Variants in RAB5A observed in about 807,000 individuals in gnomAD.
RAB5A encodes RAB5A, member RAS oncogene family, also known as ras-related protein Rab-5A.
Under a neutral mutation model 25.7 loss-of-function variants are expected in RAB5A, and 8 were observed. That is an observed-to-expected ratio of 0.31 (90% confidence interval 0.18 to 0.56). The LOEUF is 0.56. Among genes scored for constraint, RAB5A ranks in the 20% least tolerant of loss-of-function variants. The pLI is 0.91. For synonymous variants in RAB5A, 98 were observed against 89.8 expected (o/e 1.09, Z -0.52); for missense variants, 192 against 259.7 (o/e 0.74, Z 1.79).
At chr3:19,963,877 A>G (rs1432617383) in intron 2 of RAB5A, among the ~76,000 whole-genome samples, 1 of 152,144 alleles carries the variant, frequency 6.6e-6, no homozygotes, top group African/African-American at 2.4e-5. Context: ...GGCCTCAAGC[A>G]ATCTTCCTGA....
At chr3:19,959,006 A>G (rs1475681334) in intron 2 of RAB5A, among the ~76,000 whole-genome samples, 3 of 152,200 alleles carry the variant, frequency 2.0e-5, no homozygotes, top group African/African-American at 4.8e-5. Context: ...TCATTAAACA[A>G]TACAGTCAAT....
At chr3:19,977,132 C>G (rs576013048) in intron 4 of RAB5A, among the ~76,000 whole-genome samples, 1 of 149,216 alleles carries the variant, frequency 6.7e-6, no homozygotes, top group Non-Finnish European at 1.5e-5. Context: ...AGTGCAGTGG[C>G]GCAATCTCAA....
intron 1 of RAB5A, among the ~76,000 whole-genome samples, chr3:19,949,112 G>A (rs1696382846): frequency 6.6e-6 from 1 of 152,136 alleles, no homozygotes; most frequent in African/African-American, 2.4e-5. Flanking sequence ...AATTGGTATA[G>A]CCAGGATTAC....
rs1696416925 is a variant in RAB5A, at chr3:19,951,136, T to G, written c.163+75T>G. ...AGAAAATATTTTGATGTTCCAATTG[T>G]GTGATTATGAATAGCTAAATAAGTC... is the stretch of plus-strand genomic sequence containing the variant. On this transcript the variant is annotated intron_variant, in intron 2 of 5. Coordinates refer to ENST00000273047, the MANE Select transcript of RAB5A (RefSeq NM_004162.5). The G allele has an allele frequency of 2.6e-6, 4 of 1,524,814 alleles. No individual in the cohort carries two copies. The East Asian group carries it at 9.0e-5, about 34-fold the overall frequency. The allele number at this position is 1,524,814 out of a possible 1,614,324, so 94.5% of individuals were successfully genotyped here.
intron 2 of RAB5A, among the ~76,000 whole-genome samples, chr3:19,972,021 T>C (rs1696759588): frequency 1.3e-5 from 2 of 152,228 alleles, no homozygotes; most frequent in South Asian, 4.1e-4. Context: ...AGAGAGGAGC[T>C]ACTACAAGTT....
chr3:19,983,933 A>G lies in RAB5A; in HGVS notation c.*110A>G. On this transcript the variant is annotated 3_prime_UTR_variant, in exon 6 of 6. Coordinates refer to ENST00000273047, the MANE Select transcript of RAB5A (RefSeq NM_004162.5). ...TGACTTCCAAAAGAAGAGACTTATGATAGAGTCAAGTTTCTAATACAGAAT... is the reference window on the plus strand; with the variant it reads ...TGACTTCCAAAAGAAGAGACTTATGGTAGAGTCAAGTTTCTAATACAGAAT... 2.7e-6 allele frequency: 2 copies of G among 737,142 alleles called. No homozygotes were observed. Among genetic ancestry groups the G allele is most frequent in the South Asian group, 1.8e-5 (1 of 55,136 alleles). 45.7% of individuals were successfully genotyped at this position (737,142 alleles called of 1,614,324 possible).
chr3:19,949,708 C>T (rs1298191512), intron 1 of RAB5A, among the ~76,000 whole-genome samples: 1 of 152,154 alleles, frequency 6.6e-6, no homozygotes, highest in African/African-American at 2.4e-5. Context: ...ATAGAAGTCG[C>T]CATTCAGGCT....
chr3:19,978,273 T>TA, intron 4 of RAB5A, 37 bp from the exon 5 acceptor site: 1 of 1,335,152 alleles, frequency 7.5e-7, no homozygotes, highest in Non-Finnish European at 1.1e-6. Context: ...TTCCAAGAGA[T>TA]ATATCTCATA....
intron 5 of RAB5A, among the ~76,000 whole-genome samples, chr3:19,981,334 C>T (rs4618239): frequency 0.16 from 24,886 of 152,032 alleles, 2,683 homozygotes; most frequent in Non-Finnish European, 0.24. Flanking sequence ...TCAGGCTGGG[C>T]GCAGTGGCTC....
At chr3:19,978,176 TG>T (rs1696855832) in intron 4 of RAB5A, 133 bp from the exon 5 acceptor site, 4 of 694,056 alleles carry the variant, frequency 5.8e-6, no homozygotes, top group Non-Finnish European at 7.8e-6. Flanking sequence ...ATTATATAGT[TG>T]TTGATTATAG....
chr3:19,954,333 A>C (rs1027489250), intron 2 of RAB5A, among the ~76,000 whole-genome samples: 1 of 152,026 alleles, frequency 6.6e-6, no homozygotes, highest in African/African-American at 2.4e-5. Context: ...TTAATTTTTC[A>C]CTTTACTGTT....
chr3:19,973,240 A>G (rs1323889599), intron 2 of RAB5A, among the ~76,000 whole-genome samples: 1 of 152,198 alleles, frequency 6.6e-6, no homozygotes, highest in African/African-American at 2.4e-5. Context: ...ACAGTCCTCC[A>G]CAGATACTGA....
At chr3:19,954,325 A>G (rs1696467716) in intron 2 of RAB5A, among the ~76,000 whole-genome samples, 3 of 152,132 alleles carry the variant, frequency 2.0e-5, no homozygotes, top group Non-Finnish European at 4.4e-5. Context: ...TCAACTGTTT[A>G]ATTTTTCACT....
chr3:19,982,777 A>AG (rs1287401663), intron 5 of RAB5A, among the ~76,000 whole-genome samples: 117 of 151,578 alleles, frequency 7.7e-4, no homozygotes, highest in African/African-American at 2.6e-3. Context: ...AAAAAAAAAA[A>AG]AGAGAGCATG....
At chr3:19,965,440 A>C (rs2125186100) in intron 2 of RAB5A, among the ~76,000 whole-genome samples, 1 of 150,164 alleles carries the variant, frequency 6.7e-6, no homozygotes, top group Non-Finnish European at 1.5e-5. Flanking sequence ...AAAAAAACTT[A>C]GGGCGACGAT....
intron 2 of RAB5A, among the ~76,000 whole-genome samples, chr3:19,951,788 C>G (rs751975119): frequency 6.7e-6 from 1 of 149,314 alleles, no homozygotes; most frequent in Non-Finnish European, 1.5e-5. Context: ...CCTCCAGCCT[C>G]AACCTCCCAG....
intron 2 of RAB5A, among the ~76,000 whole-genome samples, chr3:19,960,712 G>A (rs1256736292): frequency 6.6e-6 from 1 of 152,154 alleles, no homozygotes; most frequent in Admixed American, 6.6e-5. Context: ...TCATATGTTG[G>A]ACTTTGAAAA....
Position 19,966,847 on chromosome 3 carries a change from C to G in RAB5A, c.164-8754C>G, listed in dbSNP as rs1402636019. On this transcript the variant is annotated intron_variant, in intron 2 of 5. Coordinates refer to ENST00000273047, the MANE Select transcript of RAB5A (RefSeq NM_004162.5). ...TGAAATAGGGTCTCACTCTGTCACC[C>G]AGACTGGAGTGCAGTAGCATGATCA... Among the ~76,000 whole-genome samples the G allele has an allele frequency of 5.3e-5, 8 of 152,036 alleles. No homozygotes were observed. The East Asian group carries it at 1.5e-3, about 29-fold the overall frequency.
intron 5 of RAB5A, among the ~76,000 whole-genome samples, chr3:19,983,345 C>CAG (rs1553640227): frequency 2.2e-5 from 2 of 92,120 alleles, no homozygotes; most frequent in African/African-American, 4.1e-5. Flanking sequence ...GACTACATCT[C>CAG]AAAAAAAAAA....
Sources: gnomAD v4.1 joint callset for allele counts (sites outside exome capture counted in the v4.1 genomes callset) on GRCh38, gnomAD v4.1.1 for gene constraint, MANE v1.5 for transcripts, NCBI Gene and HGNC (gene_info 2026-07-23, HGNC 2026-07-21) for gene names.